The following RB1CC1 variants were observed in gnomAD, a reference collection of about 807,000 sequenced individuals.
The protein encoded by RB1CC1 is RB1-inducible coiled-coil protein 1.
RB1CC1 carries 46 observed loss-of-function variants against 177.5 expected under a neutral mutation model. That is an observed-to-expected ratio of 0.26 (90% CI 0.20 to 0.33). The LOEUF is 0.33. Among genes scored for constraint, RB1CC1 ranks in the 10% least tolerant of loss-of-function variants. RB1CC1 has a pLI of 1.00. For missense variants in RB1CC1, 1,703 were observed against 1,816.3 expected, an observed-to-expected ratio of 0.94 and a Z score of 1.13; for synonymous variants, 666 against 613.6, an observed-to-expected ratio of 1.09 and a Z score of -1.26.
chr8:52,652,111 G>T (rs1326829236), intron 15 of RB1CC1, among the ~76,000 whole-genome samples: 1 of 151,890 alleles, frequency 6.6e-6, no homozygotes, highest in African/African-American at 2.4e-5. Context: ...TAAGAGATTT[G>T]CAAATACATA....
At position 52,674,130 on chromosome 8, in the gene RB1CC1, T is replaced by C; in HGVS notation, c.717A>G (p.Glu239=). The C allele has an allele frequency of 4.3e-6, 7 of 1,614,110 alleles. No homozygotes were observed. The highest frequency in any genetic ancestry group is 5.9e-6 in the Non-Finnish European group (7 of 1,179,976). The change falls in exon 7 of 24, where the codon GAA becomes GAG. Residue 239 remains glutamate (E), a synonymous_variant. Coordinates refer to ENST00000025008, the MANE Select transcript of RB1CC1 (RefSeq NM_014781.5). ...SEKAEMKRST[E]LVLSPDMPRT... is the part of the protein sequence containing the mutation. ...TAGGCATATCAGGAGAGAGCACCAG[T>C]TCAGTGGATCTTTTCATCTCAGCTT... is the stretch of plus-strand genomic sequence containing the variant.
intron 9 of RB1CC1, 99 bp from the exon 10 acceptor site, chr8:52,661,380 A>G: frequency 6.7e-7 from 1 of 1,491,506 alleles, no homozygotes; most frequent in Non-Finnish European, 9.1e-7. Context: ...CAAAGAAATC[A>G]AGATATATAA....
chr8:52,713,628 A>G (rs34781680), intron 1 of RB1CC1, among the ~76,000 whole-genome samples: 438 of 152,306 alleles, frequency 2.9e-3, no homozygotes, highest in Non-Finnish European at 4.3e-3. Flanking sequence ...CTCGAGTCCA[A>G]CACAGAATTA....
At chr8:52,628,587 T>C (rs1406708786) in intron 21 of RB1CC1, among the ~76,000 whole-genome samples, 1 of 152,204 alleles carries the variant, frequency 6.6e-6, no homozygotes. Flanking sequence ...CCAAGCGTAG[T>C]GCTCTTCAAT....
chr8:52,648,854 G>C (rs1050944892), intron 15 of RB1CC1, among the ~76,000 whole-genome samples: 1 of 152,034 alleles, frequency 6.6e-6, no homozygotes, highest in Admixed American at 6.6e-5. Context: ...AGCACTTCAA[G>C]GCTTCTTTTT....
In RB1CC1 at chr8:52,657,917, C is replaced by T; in HGVS notation, c.1921-9G>A. The T allele has an allele frequency of 6.2e-7, 1 of 1,612,546 alleles. No homozygotes were observed. Among genetic ancestry groups the T allele is most frequent in the Non-Finnish European group, 8.5e-7 (1 of 1,179,216 alleles). Reference sequence around the variant, plus strand: ...GTCTGACTCACAGATGCCTGGAAAACAGAAAGAAAGGCTTAAAGAGCTGCA... The same window carrying T: ...GTCTGACTCACAGATGCCTGGAAAATAGAAAGAAAGGCTTAAAGAGCTGCA... On this transcript the variant is annotated splice_polypyrimidine_tract_variant and intron_variant, in intron 14 of 23. Transcript: ENST00000025008.
At chr8:52,673,007 A>AT (rs761238865) in intron 7 of RB1CC1, among the ~76,000 whole-genome samples, 2 of 152,152 alleles carry the variant, frequency 1.3e-5, no homozygotes, top group African/African-American at 4.8e-5. Context: ...CAAAACCTAG[A>AT]TTTTTTGTTT....
chr8:52,680,389 G>A (rs921932632), intron 5 of RB1CC1, among the ~76,000 whole-genome samples: 29 of 152,230 alleles, frequency 1.9e-4, no homozygotes, highest in Admixed American at 1.6e-3. Flanking sequence ...ACCAAGACAA[G>A]TGAAATTAAT....
intron 7 of RB1CC1, among the ~76,000 whole-genome samples, chr8:52,669,452 T>C (rs1238791716): frequency 1.3e-5 from 2 of 152,186 alleles, no homozygotes; most frequent in South Asian, 2.1e-4. Context: ...AAAAACTGAT[T>C]AATGCATAGA....
chr8:52,656,534 T>C lies in RB1CC1; in HGVS notation c.3295A>G (p.Asn1099Asp). The change falls in exon 15 of 24, where the codon AAT becomes GAT. Residue 1099 changes from asparagine (N) to aspartate (D), a missense_variant. This residue lies in a region of RB1CC1 where 1,169 missense variants were observed against 1,184.7 expected (regional missense o/e 0.99). Transcript: ENST00000025008. ...AGTTTACTAATTTCTGTTCTCAAATTTTCTGTCTCTTGTTCAAGAAGAGAT... is the reference window on the plus strand; with the variant it reads ...AGTTTACTAATTTCTGTTCTCAAATCTTCTGTCTCTTGTTCAAGAAGAGAT... Reference protein sequence around the residue: ...LKSLLEQETENLRTEISKLNQ... With the variant: ...LKSLLEQETEDLRTEISKLNQ... The C allele has an allele frequency of 6.2e-7, 1 of 1,611,140 alleles. No individual in the cohort carries two copies. The highest frequency in any genetic ancestry group is 8.5e-7 in the Non-Finnish European group (1 of 1,179,432).
At chr8:52,649,975 T>G (rs577278164) in intron 15 of RB1CC1, among the ~76,000 whole-genome samples, 29 of 152,374 alleles carry the variant, frequency 1.9e-4, no homozygotes, top group Admixed American at 2.6e-4. Flanking sequence ...CCATTTGTAT[T>G]TCTTCTTTGA....
chr8:52,657,596 A>G lies in RB1CC1; in HGVS notation c.2233T>C (p.Leu745=), dbSNP rs1378033969. 4 of 1,614,090 alleles carry G rather than the reference A, an allele frequency of 2.5e-6. No homozygotes were observed. In the South Asian group the frequency reaches 4.4e-5, roughly 18 times the overall value. The part of the protein sequence containing the change: ...AVNEFVIEEN[L]SSPNPISDPQ... Reference sequence around the variant, plus strand: ...TCACTTATAGGATTAGGAGACGACAAATTTTCTTCTATTACAAACTCATTC... The same window carrying G: ...TCACTTATAGGATTAGGAGACGACAGATTTTCTTCTATTACAAACTCATTC... Residue 745 remains leucine (L), a synonymous_variant, in exon 15 of 24, where the codon TTG becomes CTG. Transcript: ENST00000025008.
chr8:52,669,190 A>T (rs1852338920), intron 7 of RB1CC1, among the ~76,000 whole-genome samples: 1 of 152,182 alleles, frequency 6.6e-6, no homozygotes, highest in Non-Finnish European at 1.5e-5. Context: ...AAACCCTCAA[A>T]TGACTTTCTT....
chr8:52,636,078 G>A lies in RB1CC1; in HGVS notation c.4338-9C>T. 1.3e-6 allele frequency: 2 copies of A among 1,598,750 alleles called. No homozygotes were observed. Among genetic ancestry groups the A allele is most frequent in the South Asian group, 1.1e-5 (1 of 89,536 alleles). ...ACATATGAATATTTTCTCTAAAAGT[G>A]AGAATAATTGAGTTTCAGTTTGAAA... On this transcript the variant is annotated splice_polypyrimidine_tract_variant and intron_variant, in intron 18 of 23. Coordinates refer to ENST00000025008, the MANE Select transcript of RB1CC1 (RefSeq NM_014781.5).
intron 22 of RB1CC1, among the ~76,000 whole-genome samples, chr8:52,627,108 G>C (rs991685505): frequency 2.0e-5 from 3 of 151,882 alleles, no homozygotes; most frequent in Non-Finnish European, 2.9e-5. Flanking sequence ...CAGCACTTTG[G>C]GAGCCTGAGG....
intron 2 of RB1CC1, chr8:52,685,806 T>C (rs1854226612): frequency 5.7e-6 from 1 of 175,756 alleles, no homozygotes; most frequent in Non-Finnish European, 1.2e-5. Context: ...TAAAGGTTGC[T>C]ATGTGCATAT....
At chr8:52,712,121 C>T (rs1014432729) in intron 1 of RB1CC1, among the ~76,000 whole-genome samples, 1 of 152,060 alleles carries the variant, frequency 6.6e-6, no homozygotes, top group African/African-American at 2.4e-5. Context: ...ATAAAAGAAT[C>T]GTGAAAGTGT....
At chr8:52,635,336 A>C (rs1393899404) in intron 19 of RB1CC1, among the ~76,000 whole-genome samples, 5 of 152,224 alleles carry the variant, frequency 3.3e-5, no homozygotes, top group Non-Finnish European at 7.3e-5. Flanking sequence ...CTGAGGTAGG[A>C]AATCACATAA....
chr8:52,664,045 A>G (rs985912888), intron 8 of RB1CC1, among the ~76,000 whole-genome samples: 1 of 152,228 alleles, frequency 6.6e-6, no homozygotes, highest in Non-Finnish European at 1.5e-5. Flanking sequence ...CAAGATCAGG[A>G]AAGTTTGGCT....
Sources: allele counts gnomAD v4.1 joint callset (sites outside exome capture counted in the v4.1 genomes callset), GRCh38; gene constraint gnomAD v4.1.1; regional missense constraint gnomAD v4.1.1; transcripts MANE v1.5; gene names NCBI Gene and HGNC (gene_info 2026-07-23, HGNC 2026-07-21).